EGFLAM: variants seen among roughly 807,000 people sequenced by gnomAD.
The protein encoded by EGFLAM is pikachurin.
EGFLAM carries 79 observed loss-of-function variants against 113.1 expected under a neutral mutation model. The observed-to-expected ratio is 0.70, with a 90% confidence interval of 0.58 to 0.84. EGFLAM has a LOEUF of 0.84. EGFLAM is among the 40% of genes least tolerant of loss of function. The pLI, the probability that EGFLAM is intolerant of heterozygous loss-of-function variation, is 0.00. For synonymous variants in EGFLAM, 504 were observed against 487.6 expected (o/e 1.03, Z -0.44); for missense variants, 1,265 against 1,291.6 (o/e 0.98, Z 0.32).
intron 16 of EGFLAM, among the ~76,000 whole-genome samples, chr5:38,437,267 G>A (rs891406692): frequency 6.6e-6 from 1 of 152,200 alleles, no homozygotes; most frequent in Non-Finnish European, 1.5e-5. Context: ...AGTGGGGAAG[G>A]GAATGTGCAG....
intron 4 of EGFLAM, among the ~76,000 whole-genome samples, chr5:38,351,230 T>A (rs928428327): frequency 1.3e-5 from 2 of 151,528 alleles, no homozygotes; most frequent in Non-Finnish European, 1.5e-5. Flanking sequence ...TGCCTCAGCC[T>A]CCCGAGTAGC....
intron 13 of EGFLAM, 121 bp from the exon 14 acceptor site, chr5:38,426,888 G>C: frequency 1.4e-6 from 2 of 1,435,796 alleles, no homozygotes; most frequent in Non-Finnish European, 1.9e-6. Context: ...CAACCTAACT[G>C]CAGGGCTGCT....
chr5:38,391,599 A>G (rs1740813414), intron 6 of EGFLAM, among the ~76,000 whole-genome samples: 2 of 151,474 alleles, frequency 1.3e-5, no homozygotes, highest in South Asian at 2.1e-4. Flanking sequence ...GGGTTTCACC[A>G]TGTTGGCCAG....
At chr5:38,444,837 C>T (rs1463511880) in intron 17 of EGFLAM, among the ~76,000 whole-genome samples, 2 of 152,122 alleles carry the variant, frequency 1.3e-5, no homozygotes, top group Non-Finnish European at 2.9e-5. Context: ...CCCAGCTACT[C>T]AGGAGGCTGA....
chr5:38,314,022 G>T (rs1738525900), intron 1 of EGFLAM, among the ~76,000 whole-genome samples: 1 of 152,206 alleles, frequency 6.6e-6, no homozygotes, highest in South Asian at 2.1e-4. Flanking sequence ...TTTTGTGTAT[G>T]ATTTATTCTA....
intron 3 of EGFLAM, among the ~76,000 whole-genome samples, chr5:38,342,594 G>C (rs566848725): frequency 6.6e-6 from 1 of 152,156 alleles, no homozygotes. Flanking sequence ...CAATTTGGCA[G>C]CATTTCAAGC....
chr5:38,313,543 G>T (rs1385821981), intron 1 of EGFLAM, among the ~76,000 whole-genome samples: 1 of 152,048 alleles, frequency 6.6e-6, no homozygotes, highest in Admixed American at 6.5e-5. Context: ...TAATACTAGG[G>T]CATATTAGTA....
rs748954361 is a variant in EGFLAM at position 38,435,119 on chromosome 5, T to C, written c.2167-18T>C. ...TGTTTTAAAGTCATACAATGCTTTGTTTTTAATCTTTTGGCAGGGAGGCTT... is the reference window on the plus strand; with the variant it reads ...TGTTTTAAAGTCATACAATGCTTTGCTTTTAATCTTTTGGCAGGGAGGCTT... On this transcript the variant is annotated intron_variant, in intron 15 of 21. Coordinates refer to ENST00000322350, the MANE Select transcript of EGFLAM (RefSeq NM_152403.4). 65 of 1,604,782 alleles carry C rather than the reference T, an allele frequency of 4.1e-5. No individual in the cohort carries two copies. Among genetic ancestry groups the C allele is most frequent in the Non-Finnish European group, 5.5e-5 (64 of 1,171,736 alleles).
At chr5:38,326,277 G>A (rs954042196) in intron 1 of EGFLAM, among the ~76,000 whole-genome samples, 5 of 152,178 alleles carry the variant, frequency 3.3e-5, no homozygotes, top group African/African-American at 7.2e-5. Flanking sequence ...AACTGTCCTC[G>A]AGAATCCAGG....
chr5:38,351,991 C>T lies in EGFLAM; in HGVS notation c.410-205C>T, dbSNP rs1739637910. Among the ~76,000 whole-genome samples, 3 of 152,068 alleles carry T rather than the reference C, an allele frequency of 2.0e-5. No homozygotes were observed. The South Asian group carries it at 6.2e-4, about 32-fold the overall frequency. ...ATTGACTCGAACCTCACATGGTGAT[C>T]AAGTTGTGATTATGTTTTTATATTT... On this transcript the variant is annotated intron_variant, in intron 4 of 21. Transcript: ENST00000322350.
intron 1 of EGFLAM, 106 bp downstream of exon 1, chr5:38,258,957 C>T (rs1262058259): frequency 1.6e-6 from 2 of 1,234,616 alleles, no homozygotes; most frequent in Non-Finnish European, 2.2e-6. Context: ...CCCCGACCAA[C>T]GTCTGCTTAA....
intron 19 of EGFLAM, among the ~76,000 whole-genome samples, chr5:38,454,185 T>C (rs990070373): frequency 2.6e-5 from 4 of 152,170 alleles, no homozygotes; most frequent in Non-Finnish European, 5.9e-5. Flanking sequence ...TAGGGAAGCG[T>C]ACCGGCGGGC....
At position 38,270,033 on chromosome 5, in the gene EGFLAM, G is replaced by C. The variant is rs12653966; in HGVS notation, c.97+11182G>C. ...TAGCTCTGCAGCCAGGAGGGACCTA[G>C]TCAAGAAGACACGCTCTTCAACCAG... On this transcript the variant is annotated intron_variant, in intron 1 of 21. Coordinates refer to ENST00000322350, the MANE Select transcript of EGFLAM (RefSeq NM_152403.4). Among the ~76,000 whole-genome samples, 1,333 of 152,288 alleles carry C rather than the reference G, an allele frequency of 8.8e-3. 21 individuals are homozygous for C. The highest frequency in any genetic ancestry group is 0.046 in the East Asian group (236 of 5,170).
chr5:38,314,879 A>G (rs962393989), intron 1 of EGFLAM, among the ~76,000 whole-genome samples: 1 of 152,204 alleles, frequency 6.6e-6, no homozygotes, highest in African/African-American at 2.4e-5. Context: ...AGGCTATTCC[A>G]TTAGCATGGG....
intron 5 of EGFLAM, 92 bp downstream of exon 5, chr5:38,352,423 C>G (rs1384179937): frequency 4.3e-5 from 65 of 1,526,404 alleles, no homozygotes; most frequent in Non-Finnish European, 5.0e-5. Context: ...CTGAGGCGGG[C>G]AGATCACAAG....
rs1741314082 is a variant in EGFLAM, at chr5:38,407,106, C to A, written c.1107C>A (p.Cys369Ter). Reference protein sequence around the residue: ...VNDYTWGGSRCQCTLGKGGES... With the variant: ...VNDYTWGGSR ...ACTACACCTGGGGGGGCTCGCGATG[C>A]CAGTGCACCCTGGGCAAAGGTGGTG... Residue 369 changes from cysteine to a stop codon, truncating the protein, a stop_gained, in exon 8 of 22, where the codon TGC (cysteine) becomes TGA (stop). Coordinates refer to ENST00000322350, the MANE Select transcript of EGFLAM (RefSeq NM_152403.4). LOFTEE classifies it high-confidence loss of function. 13 of 1,614,050 alleles carry A rather than the reference C, an allele frequency of 8.1e-6. No homozygotes were observed. Among genetic ancestry groups the A allele is most frequent in the Non-Finnish European group, 1.1e-5 (13 of 1,180,040 alleles).
intron 19 of EGFLAM, among the ~76,000 whole-genome samples, chr5:38,457,165 G>A (rs1385078033): frequency 6.6e-6 from 1 of 152,188 alleles, no homozygotes; most frequent in Non-Finnish European, 1.5e-5. Flanking sequence ...TCTACATTAG[G>A]TTTGTGATTT....
At chr5:38,320,119 C>T (rs1013909805) in intron 1 of EGFLAM, among the ~76,000 whole-genome samples, 1 of 152,236 alleles carries the variant, frequency 6.6e-6, no homozygotes, top group Non-Finnish European at 1.5e-5. Flanking sequence ...AAGCACCTGG[C>T]TAGGGACTCA....
intron 6 of EGFLAM, among the ~76,000 whole-genome samples, chr5:38,399,281 T>G (rs1348853269): frequency 1.5e-5 from 2 of 133,566 alleles, no homozygotes; most frequent in Non-Finnish European, 3.0e-5. Flanking sequence ...GTTTTCGTTT[T>G]TTTTTTTTTT....
Sources: allele counts gnomAD v4.1 joint callset (sites outside exome capture counted in the v4.1 genomes callset), GRCh38; gene constraint gnomAD v4.1.1; transcripts MANE v1.5; gene names NCBI Gene and HGNC (gene_info 2026-07-23, HGNC 2026-07-21).